Variants in FLI1 observed in about 807,000 individuals in gnomAD.
FLI1 encodes Friend leukemia integration 1 transcription factor.
Under a neutral mutation model 53.1 loss-of-function variants are expected in FLI1, and 13 were observed. The ratio of observed to expected loss-of-function variants is 0.24; its 90% confidence interval spans 0.16 to 0.39. FLI1 has a LOEUF of 0.39. Among genes scored for constraint, FLI1 ranks in the 10% least tolerant of loss-of-function variants. The pLI, the probability that FLI1 is intolerant of heterozygous loss-of-function variation, is 1.00. For missense variants in FLI1, 424 were observed against 600.5 expected (o/e 0.71, Z 3.07); for synonymous variants, 244 against 236.7 (o/e 1.03, Z -0.28).
chr11:128,749,891 C>T (rs1364707880), intron 1 of FLI1, among the ~76,000 whole-genome samples: 4 of 152,202 alleles, frequency 2.6e-5, no homozygotes, highest in Non-Finnish European at 4.4e-5. Context: ...GCCTTGCTAA[C>T]AGCGGCCACC....
Position 128,810,317 on chromosome 11 carries a change from G to A in FLI1, c.830-142G>A, listed in dbSNP as rs1942904744. On this transcript the variant is annotated intron_variant, in intron 8 of 8. Coordinates refer to ENST00000527786, the MANE Select transcript of FLI1 (RefSeq NM_002017.5). This position sits in a 1 kb window ranked among gnomAD's most constrained non-coding sequence, Gnocchi z 6.6. ...GGCAAATCAACAATGACATAAGAAG[G>A]GCTTGTCAAGTCGATCCCAATGTCG... is the stretch of plus-strand genomic sequence containing the variant. 1.3e-6 allele frequency: 1 copy of A among 776,326 alleles called. No homozygotes were observed. 48.1% of individuals were successfully genotyped at this position (776,326 alleles called of 1,614,324 possible). A position where few individuals can be genotyped will look rare whatever the true frequency, so the allele number is the denominator to read the frequency against.
chr11:128,804,780 C>A (rs1302639321), intron 5 of FLI1: 1 of 152,238 alleles, frequency 6.6e-6, no homozygotes. Flanking sequence ...AAATCAGGGA[C>A]TGGAGTCGGC....
intron 3 of FLI1, among the ~76,000 whole-genome samples, chr11:128,772,064 A>T (rs1941583628): frequency 6.6e-6 from 1 of 151,094 alleles, no homozygotes; most frequent in Admixed American, 6.6e-5. Flanking sequence ...ACACACACAC[A>T]CACACACACA....
At chr11:128,703,182 T>C (rs888412024) in intron 1 of FLI1, among the ~76,000 whole-genome samples, 1 of 152,236 alleles carries the variant, frequency 6.6e-6, no homozygotes, top group South Asian at 2.1e-4. Context: ...AACAGCTTAA[T>C]GTCTCATGTT....
chr11:128,704,386 G>A (rs1010628300), intron 1 of FLI1, among the ~76,000 whole-genome samples: 3 of 152,082 alleles, frequency 2.0e-5, no homozygotes, highest in Non-Finnish European at 4.4e-5. Flanking sequence ...CTAGAACTGT[G>A]CTAATCCCTT....
At chr11:128,686,983 G>A (rs894418229) in intron 1 of FLI1, 1 of 160,038 alleles carries the variant, frequency 6.2e-6, no homozygotes, top group Admixed American at 6.0e-5. Flanking sequence ...GCAGCTCGCC[G>A]CGTCAGGTCC....
intron 5 of FLI1, among the ~76,000 whole-genome samples, chr11:128,791,945 C>T (rs1359773160): frequency 6.6e-6 from 1 of 152,162 alleles, no homozygotes; most frequent in Admixed American, 6.5e-5. Flanking sequence ...GGAAAGGTGA[C>T]GCTGCAGGGA....
upstream of FLI1, among the ~76,000 whole-genome samples, chr11:128,689,420 C>T (rs893318580): frequency 1.3e-5 from 2 of 152,286 alleles, no homozygotes; most frequent in South Asian, 2.1e-4. Context: ...CCCCCAGGTT[C>T]CTTGCTCTAA....
chr11:128,733,439 C>T (rs1939781284), intron 1 of FLI1, among the ~76,000 whole-genome samples: 1 of 152,212 alleles, frequency 6.6e-6, no homozygotes, highest in Non-Finnish European at 1.5e-5. Flanking sequence ...AGTAGCTCTA[C>T]ACACTCCGCC....
intron 1 of FLI1, among the ~76,000 whole-genome samples, chr11:128,748,950 A>G (rs1470553786): frequency 1.3e-5 from 2 of 152,202 alleles, no homozygotes; most frequent in Non-Finnish European, 2.9e-5. Flanking sequence ...TACATGTTCT[A>G]TTTGATCGTT....
intron 3 of FLI1, among the ~76,000 whole-genome samples, chr11:128,770,193 C>G (rs1057468452): frequency 1.3e-5 from 2 of 152,204 alleles, no homozygotes; most frequent in Non-Finnish European, 2.9e-5. Context: ...AAAGGAATAG[C>G]AAAACATCAG....
At chr11:128,797,699 T>A (rs1489522993) in intron 5 of FLI1, among the ~76,000 whole-genome samples, 1 of 152,148 alleles carries the variant, frequency 6.6e-6, no homozygotes, top group Non-Finnish European at 1.5e-5. Context: ...AAAACATTGT[T>A]GAATGAATAA....
At chr11:128,700,768 G>C (rs369798230) in intron 1 of FLI1, among the ~76,000 whole-genome samples, 1 of 152,166 alleles carries the variant, frequency 6.6e-6, no homozygotes, top group Non-Finnish European at 1.5e-5. Context: ...CAGCTGCTCA[G>C]GGAGCTGAGG....
intron 5 of FLI1, among the ~76,000 whole-genome samples, chr11:128,790,712 T>C (rs1023706360): frequency 6.6e-5 from 10 of 152,224 alleles, no homozygotes; most frequent in African/African-American, 2.4e-4. Flanking sequence ...ATCAGTCCAC[T>C]GCCTTATTAG....
At chr11:128,752,853 C>A (rs1940709124) in intron 1 of FLI1, among the ~76,000 whole-genome samples, 1 of 152,194 alleles carries the variant, frequency 6.6e-6, no homozygotes, top group African/African-American at 2.4e-5. Context: ...ATATCATGTA[C>A]TAAAGGCACC....
At chr11:128,805,252 A>C in intron 5 of FLI1, 114 bp from the exon 6 acceptor site, 1 of 618,998 alleles carries the variant, frequency 1.6e-6, no homozygotes, top group South Asian at 2.2e-5. Context: ...GGGATGCTTT[A>C]AAAGCCATTG....
intron 5 of FLI1, among the ~76,000 whole-genome samples, chr11:128,803,314 A>G (rs1373763649): frequency 6.6e-6 from 1 of 152,156 alleles, no homozygotes; most frequent in East Asian, 1.9e-4. Flanking sequence ...TCCCACCTGC[A>G]ACGCCAAGGT....
chr11:128,761,107 GC>G (rs1210452352), intron 2 of FLI1, among the ~76,000 whole-genome samples: 2 of 151,972 alleles, frequency 1.3e-5, no homozygotes, highest in Non-Finnish European at 2.9e-5. Context: ...CCTCTCTACT[GC>G]CCCCTCCCTC....
intron 5 of FLI1, among the ~76,000 whole-genome samples, chr11:128,798,866 G>A (rs1942528849): frequency 6.6e-6 from 1 of 152,118 alleles, no homozygotes. Context: ...AGTGGGGGAG[G>A]AAGGAGGATG....
Sources: allele counts gnomAD v4.1 joint callset (sites outside exome capture counted in the v4.1 genomes callset), GRCh38; gene constraint gnomAD v4.1.1; non-coding constraint Gnocchi (gnomAD v3.1); transcripts MANE v1.5; gene names NCBI Gene and HGNC (gene_info 2026-07-23, HGNC 2026-07-21).